TTLL8: variants seen among roughly 807,000 people sequenced by gnomAD.
The protein encoded by TTLL8 is protein monoglycylase TTLL8.
Under a neutral mutation model 77.8 loss-of-function variants are expected in TTLL8, and 65 were observed. The observed-to-expected ratio is 0.84, with a 90% CI of 0.68 to 1.03. The LOEUF is 1.03. TTLL8 is among the 50% of genes least tolerant of loss of function. The pLI, the probability that TTLL8 is intolerant of heterozygous loss-of-function variation, is 0.00. For missense variants in TTLL8, 910 were observed against 1,004.5 expected (o/e 0.91, Z 1.27); for synonymous variants, 402 against 422.8 (o/e 0.95, Z 0.60).
chr22:50,031,204 C>G (rs1022958733), intron 11 of TTLL8, among the ~76,000 whole-genome samples: 11 of 152,170 alleles, frequency 7.2e-5, no homozygotes, highest in African/African-American at 2.4e-4. Context: ...ACAGAGAGGC[C>G]GCAAGAGAGA....
chr22:50,033,670 A>G (rs938101341), intron 9 of TTLL8, among the ~76,000 whole-genome samples: 2 of 152,250 alleles, frequency 1.3e-5, no homozygotes, highest in East Asian at 1.9e-4. Context: ...CTCCCCCAAC[A>G]GAACCAGCCT....
At chr22:50,050,130 C>A (rs1275323789) in exon 2 of TTLL8, 1 of 1,367,254 alleles carries the variant, frequency 7.3e-7, no homozygotes, top group Non-Finnish European at 9.8e-7. Context: ...GCGCCTTCAT[C>A]CTCGACATCC....
At chr22:50,021,377 CTGA>C (rs1304012332) in intron 12 of TTLL8, among the ~76,000 whole-genome samples, 2 of 149,706 alleles carry the variant, frequency 1.3e-5, no homozygotes, top group Admixed American at 6.6e-5. Flanking sequence ...ACTCCTCCAT[CTGA>C]TGACGTGCAC....
At chr22:50,057,552 GGGGGTCAGGTCTGGGTT>G (rs1303842379), upstream of TTLL8, among the ~76,000 whole-genome samples, 1 of 92,328 alleles carries the variant, frequency 1.1e-5, no homozygotes, top group Non-Finnish European at 2.1e-5. Flanking sequence ...GGTCTGGGTT[GGGGGTCAGGTCTGGGTT>G]GGGGTCAGGT....
At chr22:50,042,856 T>A (rs905236836) in intron 6 of TTLL8, among the ~76,000 whole-genome samples, 6 of 152,202 alleles carry the variant, frequency 3.9e-5, no homozygotes, top group Admixed American at 3.3e-4. Context: ...GGCGAGGATG[T>A]GGAGAACAGG....
chr22:50,056,254 C>T (rs76572739), upstream of TTLL8, among the ~76,000 whole-genome samples: 3,311 of 152,262 alleles, frequency 0.022, 126 homozygotes, highest in African/African-American at 0.076. The surrounding 1 kb of genome is among the most constrained non-coding windows in gnomAD (Gnocchi z 4.1). Context: ...CCTGCAGTCC[C>T]GGAACCGCAC....
intron 8 of TTLL8, among the ~76,000 whole-genome samples, chr22:50,040,526 A>G (rs2061364264): frequency 6.6e-6 from 1 of 152,198 alleles, no homozygotes; most frequent in African/African-American, 2.4e-5. Flanking sequence ...TTCTCCCGGG[A>G]AAGGTTAATA....
chr22:50,030,556 C>A, exon 12 of TTLL8: 1 of 1,316,982 alleles, frequency 7.6e-7, no homozygotes, highest in Non-Finnish European at 1.0e-6. Flanking sequence ...ACGGGGACAC[C>A]GGTGTTTGGG....
At chr22:50,028,635 C>G (rs1438161662) in intron 12 of TTLL8, among the ~76,000 whole-genome samples, 2 of 94,088 alleles carry the variant, frequency 2.1e-5, no homozygotes, top group African/African-American at 6.8e-5. Context: ...CCCACATACC[C>G]TCGTAAAGAC....
chr22:50,039,593 G>A (rs1035106134), intron 8 of TTLL8, among the ~76,000 whole-genome samples: 4 of 152,210 alleles, frequency 2.6e-5, no homozygotes, highest in African/African-American at 4.8e-5. Context: ...GCATCCTGAG[G>A]AAAAGATATT....
chr22:50,019,985 A>T (rs1022194959), intron 12 of TTLL8, among the ~76,000 whole-genome samples: 6 of 152,260 alleles, frequency 3.9e-5, no homozygotes, highest in Non-Finnish European at 8.8e-5. Flanking sequence ...AAATAAAATT[A>T]GTAACAATCT....
Position 50,030,923 on chromosome 22 carries a change from C to T in TTLL8, c.1710G>A (p.Pro570=), listed in dbSNP as rs571616944. Residue 570 remains proline (P), a splice_region_variant and synonymous_variant, in exon 12 of 14, where the codon CCG becomes CCA. Transcript: ENST00000266182. ...CGCTGAATGGGGGCGGCTCAACCAC[C>T]GGCTGTGGGGAAGGAACAGGTTGGG... 30 of 1,318,320 alleles carry T rather than the reference C, an allele frequency of 2.3e-5. No homozygotes were observed. The African/African-American group carries it at 4.3e-4, about 19-fold the overall frequency. 81.7% of individuals were successfully genotyped at this position (1,318,320 alleles called of 1,614,324 possible). A position where few individuals can be genotyped will look rare whatever the true frequency, so the allele number is the denominator to read the frequency against.
At chr22:50,040,909 G>A (rs2061366317) in intron 8 of TTLL8, among the ~76,000 whole-genome samples, 1 of 152,158 alleles carries the variant, frequency 6.6e-6, no homozygotes, top group South Asian at 2.1e-4. Context: ...CCTGGCCCCA[G>A]GAAGAACTGG....
intron 8 of TTLL8, among the ~76,000 whole-genome samples, chr22:50,036,702 G>C (rs1183110822): frequency 6.6e-6 from 1 of 151,474 alleles, no homozygotes; most frequent in African/African-American, 2.4e-5. Flanking sequence ...CAATTCAAGC[G>C]ATGCTCCTGC....
chr22:50,044,489 G>C lies in TTLL8; in HGVS notation c.643+766C>G, dbSNP rs116187740. ...CTCACTCAGCACAAATGAAGCCACC[G>C]CTCCAGCGTTCACCAATCAGGATTT... On this transcript the variant is annotated intron_variant, in intron 6 of 13. Transcript: ENST00000266182. This position sits in a 1 kb window ranked among gnomAD's most constrained non-coding sequence, Gnocchi z 4.2. Among the ~76,000 whole-genome samples, 11 of 152,294 alleles carry C rather than the reference G, an allele frequency of 7.2e-5. No individual in the cohort carries two copies. The highest frequency in any genetic ancestry group is 2.4e-4 in the African/African-American group (10 of 41,552).
rs189002279 is a variant in TTLL8, at chr22:50,050,919, C to T, written c.52-672G>A. On this transcript the variant is annotated intron_variant, in intron 1 of 13. Transcript: ENST00000266182. ...TTTTCTGGGAGCTCAGTTCTTAAGA[C>T]GCGAGTCTGCTGACACTCCCGGCCG... Among the ~76,000 whole-genome samples, 259 of 152,324 alleles carry T rather than the reference C, an allele frequency of 1.7e-3. 1 individual carries two copies. Among genetic ancestry groups the T allele is most frequent in the African/African-American group, 6.1e-3 (253 of 41,584 alleles).
intron 6 of TTLL8, among the ~76,000 whole-genome samples, chr22:50,043,912 A>C (rs1482769983): frequency 6.6e-6 from 1 of 152,202 alleles, no homozygotes; most frequent in Non-Finnish European, 1.5e-5. Flanking sequence ...GCCGGGGACC[A>C]TCTCTGTCTG....
At chr22:50,027,605 C>T in intron 12 of TTLL8, 5 of 984,896 alleles carry the variant, frequency 5.1e-6, no homozygotes, top group Non-Finnish European at 6.0e-6. Context: ...AGTCAAAGTC[C>T]CAGCAGTTTG....
chr22:50,031,998 G>A (rs751350234), exon 11 of TTLL8: 10 of 1,366,662 alleles, frequency 7.3e-6, no homozygotes, highest in Non-Finnish European at 9.8e-6. Context: ...GGCGCTGCAG[G>A]TACTCCTGGA....
Sources: allele counts gnomAD v4.1 joint callset (sites outside exome capture counted in the v4.1 genomes callset), GRCh38; gene constraint gnomAD v4.1.1; non-coding constraint Gnocchi (gnomAD v3.1); transcripts MANE v1.5; gene names NCBI Gene and HGNC (gene_info 2026-07-23, HGNC 2026-07-21).